MRPL22: variants seen among roughly 807,000 people sequenced by gnomAD.
The protein encoded by MRPL22 is mitochondrial ribosomal protein L22, also known as large ribosomal subunit protein uL22m.
MRPL22 carries 27 observed loss-of-function variants against 32.4 expected under a neutral mutation model. The observed-to-expected ratio is 0.83, with a 90% CI of 0.61 to 1.15. The LOEUF (loss-of-function observed/expected upper bound fraction) is 1.15. Among genes scored for constraint, MRPL22 ranks in the 50% most tolerant of loss-of-function variants. The probability of loss-of-function intolerance (pLI) is 0.00; values close to 1 mark genes in which losing one functional copy is unlikely to be tolerated. For synonymous variants in MRPL22, 86 were observed against 87.3 expected, an observed-to-expected ratio of 0.99 and a Z score of 0.08; for missense variants, 239 against 260.2, an observed-to-expected ratio of 0.92 and a Z score of 0.56.
chr5:154,961,844 A>G (rs1190586761), intron 6 of MRPL22, among the ~76,000 whole-genome samples: 2 of 152,026 alleles, frequency 1.3e-5, no homozygotes, highest in African/African-American at 4.8e-5. Context: ...GTACGAGCAC[A>G]CTTAGCTAAT....
chr5:154,961,905 C>A (rs1460368793), intron 6 of MRPL22, among the ~76,000 whole-genome samples: 1 of 152,116 alleles, frequency 6.6e-6, no homozygotes, highest in South Asian at 2.1e-4. Context: ...CTATGCTGGT[C>A]TTGAACTCCT....
At chr5:154,956,764 C>A in intron 4 of MRPL22, 1 of 330,148 alleles carries the variant, frequency 3.0e-6, no homozygotes, top group Non-Finnish European at 5.5e-6. Context: ...AGTTTTTTTC[C>A]CTAGGAAATG....
intron 5 of MRPL22, among the ~76,000 whole-genome samples, chr5:154,958,073 T>C (rs1430563762): frequency 3.3e-5 from 5 of 151,622 alleles, no homozygotes; most frequent in African/African-American, 7.3e-5. Context: ...CGCGCCACCA[T>C]ACGCGGCTAA....
rs910997951 is a variant in MRPL22, at chr5:154,944,871, T to C, written c.77+3606T>C. Among the ~76,000 whole-genome samples, 3 of 152,030 alleles carry C rather than the reference T, an allele frequency of 2.0e-5. No individual in the cohort carries two copies. In the East Asian group the frequency reaches 5.8e-4, roughly 29 times the overall value. ...CAAACAGCATTCTGTGCAGATAGAA[T>C]AGTAAGTGCAACAGCTCCAAGGAAC... On this transcript the variant is annotated intron_variant, in intron 2 of 6. Coordinates refer to ENST00000523037, the MANE Select transcript of MRPL22 (RefSeq NM_014180.4).
At chr5:154,944,205 G>C (rs183874948) in intron 2 of MRPL22, among the ~76,000 whole-genome samples, 2 of 151,890 alleles carry the variant, frequency 1.3e-5, no homozygotes, top group Non-Finnish European at 2.9e-5. Flanking sequence ...CGATCCGCCC[G>C]CTTTGGCCTC....
intron 5 of MRPL22, among the ~76,000 whole-genome samples, chr5:154,957,587 TA>T (rs1420853270): frequency 6.6e-6 from 1 of 152,160 alleles, no homozygotes; most frequent in African/African-American, 2.4e-5. Flanking sequence ...CTTCAAGGTA[TA>T]TTTTTTTGAA....
chr5:154,966,536 G>A (rs1764768706), intron 6 of MRPL22, 150 bp from the exon 7 acceptor site: 8 of 722,200 alleles, frequency 1.1e-5, no homozygotes, highest in Non-Finnish European at 1.8e-5. Flanking sequence ...TAGCATTCAG[G>A]AGATAGTTGT....
intron 2 of MRPL22, among the ~76,000 whole-genome samples, chr5:154,945,146 A>G (rs900350411): frequency 1.3e-5 from 2 of 152,068 alleles, no homozygotes; most frequent in Non-Finnish European, 2.9e-5. Context: ...ATGGGGAGCA[A>G]GGATGGAAGC....
Position 154,941,156 on chromosome 5 carries a change from GT to G in MRPL22, c.28+20del. On this transcript the variant is annotated intron_variant, in intron 1 of 6. Transcript: ENST00000523037. Reference sequence around the variant, plus strand: ...ACAGTTGGGTAAGGATTTCTTAGTGGTTAAGCGACAGAAGGGAGTCGAGATG... The same window carrying G: ...ACAGTTGGGTAAGGATTTCTTAGTGGTAAGCGACAGAAGGGAGTCGAGATG... 1 of 1,614,174 alleles carries G rather than the reference GT, an allele frequency of 6.2e-7. No individual in the cohort carries two copies. The highest frequency in any genetic ancestry group is 1.3e-5 in the African/African-American group (1 of 75,048).
chr5:154,944,722 GA>G (rs1465748358), intron 2 of MRPL22, among the ~76,000 whole-genome samples: 1 of 152,166 alleles, frequency 6.6e-6, no homozygotes, highest in Non-Finnish European at 1.5e-5. Flanking sequence ...CAGAGATTGA[GA>G]ATAAGAAGTA....
In MRPL22 at chr5:154,960,519, T is replaced by C. The variant is rs1315230369; in HGVS notation, c.409+470T>C. 2.0e-5 allele frequency among the ~76,000 whole-genome samples: 3 copies of C among 152,208 alleles called. No individual in the cohort carries two copies. The East Asian group carries it at 5.8e-4, about 29-fold the overall frequency. On this transcript the variant is annotated intron_variant, in intron 6 of 6. Transcript: ENST00000523037. ...TTATCAAAATGGAAGGTCTGTTGAA[T>C]TGTAAAAGCCAAGGGGCCTTGGAAG...
At chr5:154,962,787 T>C (rs1011326214) in intron 6 of MRPL22, among the ~76,000 whole-genome samples, 1 of 152,192 alleles carries the variant, frequency 6.6e-6, no homozygotes, top group Non-Finnish European at 1.5e-5. Flanking sequence ...TGAATCACTT[T>C]AGGGAAAGTG....
intron 2 of MRPL22, among the ~76,000 whole-genome samples, chr5:154,946,003 A>C (rs1265935196): frequency 2.0e-5 from 3 of 152,184 alleles, no homozygotes; most frequent in Admixed American, 2.0e-4. Context: ...AATTCAGTTC[A>C]TGAATTATTT....
Position 154,957,031 on chromosome 5 carries a change from C to G in MRPL22, c.262-104C>G, listed in dbSNP as rs113582380. 9.4e-5 allele frequency: 98 copies of G among 1,041,414 alleles called. No individual in the cohort carries two copies. In the African/African-American group the frequency reaches 1.4e-3, roughly 15 times the overall value. The allele number at this position is 1,041,414 out of a possible 1,614,324, so 64.5% of individuals were successfully genotyped here. ...TTCTCTTTTATTTGGGTTCAATTCA[C>G]TGTTTTTAGAAGTTACTCAAATTAT... is the stretch of plus-strand genomic sequence containing the variant. On this transcript the variant is annotated intron_variant, in intron 4 of 6. Coordinates refer to ENST00000523037, the MANE Select transcript of MRPL22 (RefSeq NM_014180.4).
At chr5:154,951,882 A>ATTTT (rs34804035) in intron 3 of MRPL22, among the ~76,000 whole-genome samples, 3 of 123,092 alleles carry the variant, frequency 2.4e-5, no homozygotes, top group African/African-American at 6.0e-5. Context: ...GAAATCACGT[A>ATTTT]TTTTTTTTTT....
intron 6 of MRPL22, 118 bp from the exon 7 acceptor site, chr5:154,966,568 C>G: frequency 9.7e-7 from 1 of 1,033,968 alleles, no homozygotes; most frequent in Non-Finnish European, 1.4e-6. Context: ...CCTGCTCTAG[C>G]CAACCAGTGA....
At chr5:154,952,089 GC>G (rs1764571581) in intron 3 of MRPL22, among the ~76,000 whole-genome samples, 2 of 152,018 alleles carry the variant, frequency 1.3e-5, no homozygotes, top group African/African-American at 4.8e-5. Flanking sequence ...CATCGTGTTA[GC>G]CAGGATGGTC....
intron 5 of MRPL22, among the ~76,000 whole-genome samples, chr5:154,958,711 A>G (rs1764664070): frequency 1.3e-5 from 2 of 151,674 alleles, no homozygotes; most frequent in African/African-American, 4.8e-5. Context: ...CGTCCAGCTA[A>G]TATTTTTGTA....
chr5:154,953,502 G>A (rs1468434011), intron 3 of MRPL22, among the ~76,000 whole-genome samples: 1 of 149,276 alleles, frequency 6.7e-6, no homozygotes, highest in East Asian at 2.0e-4. Context: ...TTAAATAAAT[G>A]AAAAGTGTAA....
Sources: allele counts gnomAD v4.1 joint callset (sites outside exome capture counted in the v4.1 genomes callset), GRCh38; gene constraint gnomAD v4.1.1; transcripts MANE v1.5; gene names NCBI Gene and HGNC (gene_info 2026-07-23, HGNC 2026-07-21).